Variants in STPG2 observed in about 807,000 individuals in gnomAD.
The protein encoded by STPG2 is sperm tail PG-rich repeat containing 2.
In STPG2, 56 loss-of-function variants were observed where a neutral mutation model predicts 54.2. That is an observed-to-expected ratio of 1.03 (90% CI 0.83 to 1.29). STPG2 has a LOEUF of 1.29. Among genes scored for constraint, STPG2 ranks in the 50% most tolerant of loss-of-function variants. The probability of loss-of-function intolerance (pLI) is 0.00; values close to 1 mark genes in which losing one functional copy is unlikely to be tolerated. For synonymous variants in STPG2, 200 were observed against 181.8 expected (o/e 1.10, Z -0.81); for missense variants, 596 against 544.9 (o/e 1.09, Z -0.93).
intron 8 of STPG2, among the ~76,000 whole-genome samples, chr4:97,895,531 T>TG (rs1730924135): frequency 6.6e-6 from 1 of 151,866 alleles, no homozygotes; most frequent in Admixed American, 6.6e-5. Flanking sequence ...AGCAATGGTT[T>TG]GCATGATTCC....
At chr4:97,909,685 G>T (rs886578324) in intron 8 of STPG2, among the ~76,000 whole-genome samples, 1 of 152,030 alleles carries the variant, frequency 6.6e-6, no homozygotes, top group South Asian at 2.1e-4. Context: ...CTTGATAAGA[G>T]AATTAAAAAA....
chr4:97,732,040 T>C (rs1416649533), intron 9 of STPG2, among the ~76,000 whole-genome samples: 1 of 152,126 alleles, frequency 6.6e-6, no homozygotes, highest in South Asian at 2.1e-4. Flanking sequence ...CAGGTAAGCA[T>C]GAAGATTAGA....
intron 9 of STPG2, among the ~76,000 whole-genome samples, chr4:97,795,464 G>A (rs1048399546): frequency 2.0e-5 from 3 of 152,098 alleles, no homozygotes; most frequent in Non-Finnish European, 4.4e-5. Flanking sequence ...TTTTGTCCTT[G>A]TGATAGTTTG....
chr4:97,556,913 G>A (rs1203753705), downstream of STPG2, among the ~76,000 whole-genome samples: 1 of 152,178 alleles, frequency 6.6e-6, no homozygotes, highest in African/African-American at 2.4e-5. Context: ...GCCAGGCCTG[G>A]TGGCTCATGC....
chr4:97,716,399 G>A (rs1347761450), intron 9 of STPG2, among the ~76,000 whole-genome samples: 3 of 152,032 alleles, frequency 2.0e-5, no homozygotes, highest in Admixed American at 6.6e-5. Flanking sequence ...ACATGCACAC[G>A]TATGTTTATT....
At chr4:97,573,061 C>T (rs1430077231) in intron 10 of STPG2, among the ~76,000 whole-genome samples, 1 of 151,942 alleles carries the variant, frequency 6.6e-6, no homozygotes, top group Non-Finnish European at 1.5e-5. Context: ...TCTGCAGTGG[C>T]TTAATAAAAA....
At chr4:98,047,980 G>A (rs1172524627) in intron 5 of STPG2, among the ~76,000 whole-genome samples, 3 of 152,090 alleles carry the variant, frequency 2.0e-5, no homozygotes, top group African/African-American at 7.2e-5. Flanking sequence ...AGATTATAGA[G>A]ACCGGAGACA....
intron 8 of STPG2, among the ~76,000 whole-genome samples, chr4:97,910,165 T>C (rs1731623106): frequency 6.6e-6 from 1 of 152,144 alleles, no homozygotes; most frequent in Admixed American, 6.5e-5. Context: ...GGTACTGTAC[T>C]AACAAGGTGA....
At chr4:98,121,398 A>T (rs1739675938) in intron 3 of STPG2, among the ~76,000 whole-genome samples, 1 of 152,178 alleles carries the variant, frequency 6.6e-6, no homozygotes, top group Admixed American at 6.5e-5. Context: ...TATGAATTTT[A>T]AAATAGCTTT....
chr4:97,502,907 A>G (rs1730756622), intron 4 of STPG2, among the ~76,000 whole-genome samples: 1 of 151,744 alleles, frequency 6.6e-6, no homozygotes, highest in Non-Finnish European at 1.5e-5. Context: ...TCTCTCTCTC[A>G]TTCACTCTCT....
At chr4:97,634,599 T>G (rs1282490972) in intron 10 of STPG2, among the ~76,000 whole-genome samples, 2 of 149,964 alleles carry the variant, frequency 1.3e-5, no homozygotes, top group African/African-American at 4.9e-5. Context: ...TGAAAAAAAT[T>G]TAGAAGAATG....
At chr4:97,722,802 T>A (rs935647827) in intron 9 of STPG2, among the ~76,000 whole-genome samples, 1 of 148,902 alleles carries the variant, frequency 6.7e-6, no homozygotes, top group Admixed American at 6.7e-5. Flanking sequence ...TGCCAATTTT[T>A]TTTTTTTTTT....
intron 5 of STPG2, among the ~76,000 whole-genome samples, chr4:97,983,909 A>G (rs1259474046): frequency 6.6e-6 from 1 of 152,206 alleles, no homozygotes; most frequent in Non-Finnish European, 1.5e-5. Flanking sequence ...ATATTCATAC[A>G]TATAAATATA....
intron 5 of STPG2, among the ~76,000 whole-genome samples, chr4:98,101,531 C>A (rs1739036585): frequency 1.3e-5 from 2 of 152,026 alleles, no homozygotes; most frequent in Non-Finnish European, 2.9e-5. Flanking sequence ...AGAGCTTGAG[C>A]CTCATTTTCT....
intron 9 of STPG2, among the ~76,000 whole-genome samples, chr4:97,753,962 T>C (rs1725656957): frequency 6.6e-6 from 1 of 152,076 alleles, no homozygotes; most frequent in Admixed American, 6.6e-5. Context: ...TCCCATTGAG[T>C]AGATTGCCTT....
At chr4:98,014,919 A>G (rs919347348) in intron 5 of STPG2, among the ~76,000 whole-genome samples, 2 of 152,278 alleles carry the variant, frequency 1.3e-5, no homozygotes, top group Non-Finnish European at 2.9e-5. Context: ...AGCATTTAAA[A>G]TATATCATCC....
At chr4:97,548,254 A>ACAG (rs1211576742) in intron 4 of STPG2, among the ~76,000 whole-genome samples, 1 of 152,234 alleles carries the variant, frequency 6.6e-6, no homozygotes, top group Non-Finnish European at 1.5e-5. Flanking sequence ...GGAGATATCA[A>ACAG]CTTTTTTAGT....
intron 5 of STPG2, among the ~76,000 whole-genome samples, chr4:98,104,441 G>C (rs1450258032): frequency 6.6e-6 from 1 of 151,912 alleles, no homozygotes; most frequent in Non-Finnish European, 1.5e-5. Flanking sequence ...CTATGTATAA[G>C]GTAAAGAAAT....
chr4:97,906,213 T>A lies in STPG2; in HGVS notation c.1044+37684A>T, dbSNP rs1201118283. ...CCACCGATCCCACAGAAATACAAAC[T>A]ACTATCAGAGAATACTACAAACACC... On this transcript the variant is annotated intron_variant, in intron 8 of 10. Coordinates refer to ENST00000295268, the MANE Select transcript of STPG2 (RefSeq NM_174952.3). 3.9e-5 allele frequency among the ~76,000 whole-genome samples: 6 copies of A among 152,124 alleles called. No individual in the cohort carries two copies. In the East Asian group the frequency reaches 1.2e-3, roughly 29 times the overall value.
Sources: gnomAD v4.1 joint callset for allele counts (sites outside exome capture counted in the v4.1 genomes callset) on GRCh38, gnomAD v4.1.1 for gene constraint, MANE v1.5 for transcripts, NCBI Gene and HGNC (gene_info 2026-07-23, HGNC 2026-07-21) for gene names.